The following SUMF2 variants were observed in gnomAD, a reference collection of about 807,000 sequenced individuals.
The protein encoded by SUMF2 is inactive C-alpha-formylglycine-generating enzyme 2.
In SUMF2, 45 loss-of-function variants were observed where a neutral mutation model predicts 44.8. The ratio of observed to expected loss-of-function variants is 1.00; its 90% CI spans 0.79 to 1.29. The LOEUF is 1.29. Among genes scored for constraint, SUMF2 ranks in the 50% most tolerant of loss-of-function variants. The pLI, the probability that SUMF2 is intolerant of heterozygous loss-of-function variation, is 0.00. For synonymous variants in SUMF2, 148 were observed against 150.4 expected (o/e 0.98, Z 0.12); for missense variants, 418 against 389.9 (o/e 1.07, Z -0.61).
chr7:56,073,658 AAGAG>A (rs941191678), intron 3 of SUMF2: 23 of 175,236 alleles, frequency 1.3e-4, no homozygotes, highest in Middle Eastern at 2.9e-3. Context: ...GAAAAAAAAA[AAGAG>A]AGATCACCTT....
At chr7:56,078,055 G>A (rs1401741705) in intron 6 of SUMF2, 47 bp from the exon 7 acceptor site, 1 of 1,548,984 alleles carries the variant, frequency 6.5e-7, no homozygotes, top group Non-Finnish European at 8.9e-7. Context: ...ATGAGGACCT[G>A]CTTTGGGACA....
At chr7:56,074,925 CTG>C (rs1795441032) in intron 5 of SUMF2, 189 bp downstream of exon 5, 3 of 628,040 alleles carry the variant, frequency 4.8e-6, no homozygotes, top group Middle Eastern at 8.9e-4. Flanking sequence ...TAGGGAGACC[CTG>C]TCTCTCCGAA....
chr7:56,066,691 G>C (rs780826638), intron 1 of SUMF2, among the ~76,000 whole-genome samples: 4 of 152,204 alleles, frequency 2.6e-5, no homozygotes, highest in African/African-American at 9.6e-5. Context: ...CGTGATCTCG[G>C]CTCACTGCAA....
At chr7:56,085,003 C>T (rs1796194478), downstream of SUMF2, among the ~76,000 whole-genome samples, 1 of 152,210 alleles carries the variant, frequency 6.6e-6, no homozygotes, top group African/African-American at 2.4e-5. Flanking sequence ...CTCTGTTGCC[C>T]AGGCTGGAGT....
At position 56,079,809 on chromosome 7, in the gene SUMF2, G is replaced by A. The variant is rs773080059; in HGVS notation, c.*197G>A. 6.4e-7 allele frequency: 1 copy of A among 1,552,752 alleles called. No homozygotes were observed. The highest frequency in any genetic ancestry group is 8.7e-7 in the Non-Finnish European group (1 of 1,147,344). ...CAGCCTCCTGTGTTTTGGAGAAGGG[G>A]CCCAATGTGTGTTGACGATGGCTGG... is the stretch of plus-strand genomic sequence containing the variant. On this transcript the variant is annotated 3_prime_UTR_variant, in exon 9 of 9. Transcript: ENST00000434526.
In SUMF2 at chr7:56,076,827, C is replaced by G; in HGVS notation, c.536-7C>G. 1 of 1,594,772 alleles carries G rather than the reference C, an allele frequency of 6.3e-7. No individual in the cohort carries two copies. Among genetic ancestry groups the G allele is most frequent in the Admixed American group, 1.7e-5 (1 of 57,464 alleles). On this transcript the variant is annotated splice_region_variant and splice_polypyrimidine_tract_variant and intron_variant, in intron 5 of 8. Transcript: ENST00000434526. ...CCTCCTCTGCTGCCTCCTTGCTCTCCTCGCAGGTCAAGTTTACCCATGGGG... is the reference window on the plus strand; with the variant it reads ...CCTCCTCTGCTGCCTCCTTGCTCTCGTCGCAGGTCAAGTTTACCCATGGGG...
Position 56,074,646 on chromosome 7 carries a change from T to C in SUMF2, c.445T>C (p.Trp149Arg), listed in dbSNP as rs1795413542. 1 of 1,614,160 alleles carries C rather than the reference T, an allele frequency of 6.2e-7. No individual in the cohort carries two copies. The highest frequency in any genetic ancestry group is 2.2e-5 in the East Asian group (1 of 44,878). ...GGAGCACCCAGTGTTACACGTGAGC[T>C]GGAATGACGCCCGTGCCTACTGTGC... ...RLEHPVLHVS[W>R]NDARAYCAWR... The change falls in exon 5 of 9, where the codon TGG (tryptophan) becomes CGG (arginine). Residue 149 changes from tryptophan (W) to arginine (R), a missense_variant. Physicochemically the swap from Trp to Arg is moderately radical, Grantham distance 101. Transcript: ENST00000434526.
At chr7:56,082,113 C>T (rs1796031222), downstream of SUMF2, 2 of 1,611,192 alleles carry the variant, frequency 1.2e-6, no homozygotes, top group East Asian at 2.2e-5. Flanking sequence ...CTGCCTACTT[C>T]CTCCCTTGCC....
In SUMF2 at chr7:56,078,379, T is replaced by C; in HGVS notation, c.692T>C (p.Leu231Pro). 6.2e-7 allele frequency: 1 copy of C among 1,608,622 alleles called. No homozygotes were observed. Among genetic ancestry groups the C allele is most frequent in the Non-Finnish European group, 8.5e-7 (1 of 1,176,826 alleles). ...GGGGCTGCAGGGCTCTATGACCTCCTGGGGAACGTGTGGGAGTGGACAGCA... is the reference window on the plus strand; with the variant it reads ...GGGGCTGCAGGGCTCTATGACCTCCCGGGGAACGTGTGGGAGTGGACAGCA... ...AQNNYGLYDLLGNVWEWTASP... is the reference protein window; with the variant it reads ...AQNNYGLYDLPGNVWEWTASP... Residue 231 changes from leucine (L) to proline (P), a missense_variant, in exon 8 of 9, where the codon CTG becomes CCG. Coordinates refer to ENST00000434526, the MANE Select transcript of SUMF2 (RefSeq NM_015411.4).
intron 4 of SUMF2, 61 bp from the exon 5 acceptor site, chr7:56,074,525 C>T: frequency 6.3e-7 from 1 of 1,593,952 alleles, no homozygotes; most frequent in African/African-American, 1.3e-5. Flanking sequence ...CGCCCTAAAC[C>T]TAGCCTGCCT....
At chr7:56,068,350 G>T in intron 1 of SUMF2, 132 bp from the exon 2 acceptor site, 1 of 922,866 alleles carries the variant, frequency 1.1e-6, no homozygotes, top group Non-Finnish European at 1.6e-6. Flanking sequence ...GGAATTTAAA[G>T]CCAGATTTTT....
At chr7:56,069,917 A>T (rs1366625309) in intron 2 of SUMF2, among the ~76,000 whole-genome samples, 1 of 151,646 alleles carries the variant, frequency 6.6e-6, no homozygotes, top group Non-Finnish European at 1.5e-5. Context: ...GTATTTATTT[A>T]TTTATTTAGA....
intron 3 of SUMF2, chr7:56,073,361 C>T (rs1052853350): frequency 9.5e-6 from 5 of 528,634 alleles, no homozygotes; most frequent in African/African-American, 7.6e-5. Flanking sequence ...ATCAAGAGAT[C>T]ACCTTGGTGG....
downstream of SUMF2, chr7:56,081,115 G>T (rs748748925): frequency 6.2e-7 from 1 of 1,613,548 alleles, no homozygotes; most frequent in East Asian, 2.2e-5. This position sits in a 1 kb window ranked among gnomAD's most constrained non-coding sequence, Gnocchi z 4.6. Context: ...GAAAAGGGCT[G>T]CCCGGTTCTG....
intron 1 of SUMF2, among the ~76,000 whole-genome samples, chr7:56,066,082 C>CA (rs71015176): frequency 0.31 from 21,512 of 70,184 alleles, 3,484 homozygotes; most frequent in African/African-American, 0.46. Context: ...CTCCGCCTCA[C>CA]AAAAAAAAAA....
chr7:56,081,189 C>T (rs1260536416), downstream of SUMF2: 1 of 1,613,968 alleles, frequency 6.2e-7, no homozygotes, highest in Admixed American at 1.7e-5. The surrounding 1 kb of genome is among the most constrained non-coding windows in gnomAD (Gnocchi z 4.6). Context: ...TGAGCCGGCG[C>T]AGAGGCCGGA....
the SUMF2 span, chr7:56,086,955 G>A: frequency 1.2e-6 from 2 of 1,607,528 alleles, no homozygotes; most frequent in Non-Finnish European, 1.7e-6. Context: ...GCTTGCTCCA[G>A]TGCTGGGTAC....
chr7:56,068,031 CTTTTTT>C (rs565131237), intron 1 of SUMF2, among the ~76,000 whole-genome samples: 17 of 110,330 alleles, frequency 1.5e-4, no homozygotes, highest in East Asian at 2.7e-4. Flanking sequence ...TTTTTTCTTT[CTTTTTT>C]TTTTTTTTTT....
chr7:56,085,084 C>T (rs532374773), downstream of SUMF2, among the ~76,000 whole-genome samples: 4 of 152,176 alleles, frequency 2.6e-5, no homozygotes, highest in African/African-American at 7.2e-5. Flanking sequence ...CCTCATCCTC[C>T]TGAGTGACTG....
Sources: gnomAD v4.1 joint callset for allele counts (sites outside exome capture counted in the v4.1 genomes callset) on GRCh38, gnomAD v4.1.1 for gene constraint, Gnocchi (gnomAD v3.1) non-coding constraint, MANE v1.5 for transcripts, NCBI Gene and HGNC (gene_info 2026-07-23, HGNC 2026-07-21) for gene names.